PRSS23: variants seen among roughly 807,000 people sequenced by gnomAD.
PRSS23 encodes the protein serine protease 23.
In PRSS23, 25 loss-of-function variants were observed where a neutral mutation model predicts 34.7. That is an observed-to-expected ratio of 0.72 (90% confidence interval 0.53 to 1.01). PRSS23 has a LOEUF of 1.01. Ranked by LOEUF, PRSS23 falls within the 50% of genes least tolerant of loss-of-function variation. The pLI, the probability that PRSS23 is intolerant of heterozygous loss-of-function variation, is 0.00. For missense variants in PRSS23, 445 were observed against 475.6 expected (o/e 0.94, Z 0.60); for synonymous variants, 176 against 186.6 (o/e 0.94, Z 0.46).
At chr11:86,801,194 C>T (rs115491916) in intron 1 of PRSS23, among the ~76,000 whole-genome samples, 437 of 152,284 alleles carry the variant, frequency 2.9e-3, no homozygotes, top group African/African-American at 9.9e-3. Flanking sequence ...AGTGGTTGTC[C>T]GTGTGCGTTC....
intron 2 of PRSS23, among the ~76,000 whole-genome samples, chr11:86,829,175 T>G (rs1277119129): frequency 6.6e-6 from 1 of 152,248 alleles, no homozygotes; most frequent in African/African-American, 2.4e-5. Flanking sequence ...CCATATTTCT[T>G]GGAGGCTTTG....
chr11:86,883,405 A>G (rs750599357), intron 2 of PRSS23, among the ~76,000 whole-genome samples: 5 of 152,242 alleles, frequency 3.3e-5, no homozygotes, highest in Non-Finnish European at 7.3e-5. Flanking sequence ...AGGATTCCCT[A>G]TTCAGTAAAT....
intron 2 of PRSS23, chr11:86,832,710 A>G (rs1948368966): frequency 9.5e-6 from 3 of 315,340 alleles, no homozygotes; most frequent in Non-Finnish European, 1.2e-5. Flanking sequence ...TAAAATAAGC[A>G]AACAACTGAC....
upstream of PRSS23, among the ~76,000 whole-genome samples, chr11:86,797,890 A>G (rs1159705345): frequency 6.6e-6 from 1 of 152,204 alleles, no homozygotes. Flanking sequence ...GTTAAGTGAA[A>G]AGCCACACAA....
chr11:86,952,106 T>G, exon 3 of PRSS23: 1 of 1,614,028 alleles, frequency 6.2e-7, no homozygotes, highest in East Asian at 2.2e-5. Context: ...ATCAGTGAAC[T>G]CCTTGGCTGA....
chr11:86,814,842 C>G (rs910309284), downstream of PRSS23, among the ~76,000 whole-genome samples: 1 of 152,178 alleles, frequency 6.6e-6, no homozygotes, highest in African/African-American at 2.4e-5. Flanking sequence ...CTCTGCCATC[C>G]CCTCCTGCCT....
intron 2 of PRSS23, among the ~76,000 whole-genome samples, chr11:86,890,259 G>T (rs1345348643): frequency 1.1e-4 from 16 of 149,956 alleles, no homozygotes. Context: ...AACAGAGTGA[G>T]ATTCCATCTC....
chr11:86,899,852 C>A (rs1455791845), intron 2 of PRSS23, among the ~76,000 whole-genome samples: 1 of 151,466 alleles, frequency 6.6e-6, no homozygotes, highest in Non-Finnish European at 1.5e-5. Flanking sequence ...AAAAATACTA[C>A]CCCAAGGGAG....
intron 2 of PRSS23, among the ~76,000 whole-genome samples, chr11:86,865,385 G>A (rs542521574): frequency 6.6e-5 from 10 of 152,198 alleles, no homozygotes; most frequent in Non-Finnish European, 1.3e-4. Flanking sequence ...AAAGCGCCTG[G>A]TACATTCTTA....
intron 2 of PRSS23, among the ~76,000 whole-genome samples, chr11:86,851,096 G>A (rs1948525414): frequency 6.6e-6 from 1 of 152,198 alleles, no homozygotes; most frequent in South Asian, 2.1e-4. Context: ...AGTAGAAAGG[G>A]TGGCATTCAA....
downstream of PRSS23, among the ~76,000 whole-genome samples, chr11:86,815,907 T>C (rs1470946261): frequency 6.6e-6 from 1 of 152,164 alleles, no homozygotes; most frequent in East Asian, 1.9e-4. Context: ...GATTCCAAAC[T>C]GGATTCTGAG....
intron 2 of PRSS23, among the ~76,000 whole-genome samples, chr11:86,927,064 C>T (rs186423122): frequency 1.3e-5 from 2 of 152,268 alleles, no homozygotes; most frequent in East Asian, 3.9e-4. Context: ...ATTAACAGAA[C>T]CTCTGGATTC....
At chr11:86,866,770 T>C (rs892706493) in intron 2 of PRSS23, among the ~76,000 whole-genome samples, 1 of 152,192 alleles carries the variant, frequency 6.6e-6, no homozygotes. Flanking sequence ...GAGTGAGTTC[T>C]TACTCTACTA....
At chr11:86,853,610 T>G (rs1217627361) in intron 2 of PRSS23, among the ~76,000 whole-genome samples, 2 of 152,138 alleles carry the variant, frequency 1.3e-5, no homozygotes, top group African/African-American at 4.8e-5. Flanking sequence ...TGAACTGCAG[T>G]GTGCTTTTTC....
rs1307769696 is a variant in PRSS23 at position 86,821,800 on chromosome 11, C to G, written c.-11-1577C>G. On this transcript the variant is annotated intron_variant, in intron 1 of 2. Coordinates refer to the PRSS23 transcript ENST00000533902. ...GCCCGTTCCGCCTCAGCACGCTGCC[C>G]CCTCCGCCATGACCATAGTGTCAGC... The G allele has an allele frequency of 9.8e-6, 8 of 815,924 alleles. No individual in the cohort carries two copies. The East Asian group carries it at 1.5e-4, about 16-fold the overall frequency. 50.5% of individuals were successfully genotyped at this position (815,924 alleles called of 1,614,324 possible). A position where few individuals can be genotyped will look rare whatever the true frequency, so the allele number is the denominator to read the frequency against.
chr11:86,791,958 G>A (rs1000097327), intron 1 of PRSS23, among the ~76,000 whole-genome samples: 2 of 152,282 alleles, frequency 1.3e-5, no homozygotes, highest in South Asian at 2.1e-4. Flanking sequence ...GGCTCTGTGC[G>A]ATATGTTAAT....
rs750230165 is a variant in PRSS23, at chr11:86,808,720, C to T, written c.1077C>T (p.Val359=). 1.2e-6 allele frequency: 2 copies of T among 1,614,104 alleles called. No individual in the cohort carries two copies. Among genetic ancestry groups the T allele is most frequent in the South Asian group, 2.2e-5 (2 of 91,070 alleles). ...CCCCACAGGATTTCAACGTGGCTGT[C>T]AGAATCACTCCTCTCAAATATGCCC... The part of the protein sequence containing the change: ...NGSPQDFNVA[V]RITPLKYAQI... The change falls in exon 2 of 2, where the codon GTC becomes GTT. Residue 359 remains valine, a synonymous_variant. Coordinates refer to ENST00000280258, the MANE Select transcript of PRSS23 (RefSeq NM_007173.6).
At chr11:86,860,493 T>G (rs560552046) in intron 2 of PRSS23, among the ~76,000 whole-genome samples, 1 of 150,236 alleles carries the variant, frequency 6.7e-6, no homozygotes, top group East Asian at 2.0e-4. Context: ...ATTATATTAC[T>G]CCCAATATCA....
intron 2 of PRSS23, among the ~76,000 whole-genome samples, chr11:86,851,879 G>A (rs1168269526): frequency 1.3e-5 from 2 of 152,164 alleles, no homozygotes; most frequent in Admixed American, 1.3e-4. Flanking sequence ...CTGCTATCAT[G>A]AGTGAGATGT....
Sources: allele counts gnomAD v4.1 joint callset (sites outside exome capture counted in the v4.1 genomes callset), GRCh38; gene constraint gnomAD v4.1.1; transcripts MANE v1.5; gene names NCBI Gene and HGNC (gene_info 2026-07-23, HGNC 2026-07-21).